COMMD10: variants seen among roughly 807,000 people sequenced by gnomAD.
COMMD10 encodes COMM domain containing 10, also known as COMM domain-containing protein 10.
COMMD10 carries 33 observed loss-of-function variants against 28.9 expected under a neutral mutation model. The ratio of observed to expected loss-of-function variants is 1.14; its 90% CI spans 0.87 to 1.53. COMMD10 has a LOEUF of 1.53. Ranked by LOEUF, COMMD10 falls within the 40% of genes most tolerant of loss-of-function variation. The pLI is 0.00. For synonymous variants in COMMD10, 110 were observed against 81.7 expected (o/e 1.35, Z -1.87); for missense variants, 310 against 233.4 (o/e 1.33, Z -2.14).
chr5:116,150,596 G>A (rs1179300029), intron 5 of COMMD10, among the ~76,000 whole-genome samples: 1 of 136,550 alleles, frequency 7.3e-6, no homozygotes, highest in Non-Finnish European at 1.5e-5. Context: ...TGCATTCCTA[G>A]GTATTTTATT....
intron 4 of COMMD10, among the ~76,000 whole-genome samples, chr5:116,123,625 A>T (rs1751518012): frequency 6.6e-6 from 1 of 152,028 alleles, no homozygotes; most frequent in Non-Finnish European, 1.5e-5. Context: ...TGTTGTTTGG[A>T]ATAGTTTCAG....
Position 116,224,431 on chromosome 5 carries a change from G to A in COMMD10, c.511-67086G>A, listed in dbSNP as rs75612667. 4.3e-3 allele frequency among the ~76,000 whole-genome samples: 653 copies of A among 152,278 alleles called. 4 individuals carry two copies. The highest frequency in any genetic ancestry group is 0.015 in the African/African-American group (610 of 41,540). The stretch of plus-strand genomic sequence containing the variant: ...AGGAATGATATTTATTTTGGCTCAT[G>A]TTTCTGCAGACTGTACAGGAAGTGT... On this transcript the variant is annotated intron_variant, in intron 5 of 6. Transcript: ENST00000274458.
At chr5:116,140,751 C>A (rs1224070585) in intron 5 of COMMD10, among the ~76,000 whole-genome samples, 1 of 151,582 alleles carries the variant, frequency 6.6e-6, no homozygotes, top group African/African-American at 2.4e-5. Flanking sequence ...AGGTTCTTTG[C>A]CCCTTTTAAA....
At chr5:116,208,458 A>AAC (rs1748874309) in intron 5 of COMMD10, among the ~76,000 whole-genome samples, 1 of 152,130 alleles carries the variant, frequency 6.6e-6, no homozygotes. Context: ...AGTAATGAAC[A>AAC]GTTATTCCCT....
At chr5:116,283,914 G>T (rs1751145699) in intron 5 of COMMD10, among the ~76,000 whole-genome samples, 1 of 151,766 alleles carries the variant, frequency 6.6e-6, no homozygotes. Flanking sequence ...AGGATCACTT[G>T]AGCTCAGGGG....
intron 5 of COMMD10, among the ~76,000 whole-genome samples, chr5:116,204,525 G>A (rs62384237): frequency 0.11 from 16,367 of 151,774 alleles, 980 homozygotes; most frequent in African/African-American, 0.16. Flanking sequence ...CCATTTTTGA[G>A]GAGGAAATAT....
intron 5 of COMMD10, among the ~76,000 whole-genome samples, chr5:116,222,799 C>A (rs1749296760): frequency 6.6e-6 from 1 of 152,152 alleles, no homozygotes; most frequent in Non-Finnish European, 1.5e-5. Flanking sequence ...TTAAGCGATT[C>A]TCCTGCCTCA....
intron 5 of COMMD10, among the ~76,000 whole-genome samples, chr5:116,224,592 C>G (rs1295295631): frequency 6.6e-6 from 1 of 152,110 alleles, no homozygotes; most frequent in Non-Finnish European, 1.5e-5. Context: ...TTTTAAACAA[C>G]CAGATCTCAT....
At chr5:116,085,262 G>A (rs916338218) in intron 1 of COMMD10, 169 bp downstream of exon 1, 1 of 656,282 alleles carries the variant, frequency 1.5e-6, no homozygotes, top group African/African-American at 1.9e-5. Context: ...CGGAGTGCGT[G>A]GGGCCGTGTA....
chr5:116,172,347 C>T (rs566602685), intron 5 of COMMD10, among the ~76,000 whole-genome samples: 17 of 152,056 alleles, frequency 1.1e-4, no homozygotes, highest in East Asian at 1.9e-4. Context: ...ACAGAGGGAG[C>T]GAGTGATTAT....
intron 5 of COMMD10, among the ~76,000 whole-genome samples, chr5:116,264,508 TCA>T (rs1452555688): frequency 6.6e-6 from 1 of 151,782 alleles, no homozygotes; most frequent in Non-Finnish European, 1.5e-5. Context: ...TCTACAACTC[TCA>T]GTCTCCTCTG....
At chr5:116,144,135 G>C (rs1400240521) in intron 5 of COMMD10, among the ~76,000 whole-genome samples, 2 of 151,830 alleles carry the variant, frequency 1.3e-5, no homozygotes, top group African/African-American at 4.8e-5. Context: ...ACTAGAAATT[G>C]AGGTTTGGAA....
At chr5:116,273,872 T>G (rs186722068) in intron 5 of COMMD10, among the ~76,000 whole-genome samples, 173 of 151,760 alleles carry the variant, frequency 1.1e-3, no homozygotes, top group Admixed American at 2.7e-3. Flanking sequence ...TTATTATTAA[T>G]AAACTACAGA....
At chr5:116,264,015 AT>A (rs1250448995) in intron 5 of COMMD10, among the ~76,000 whole-genome samples, 1 of 151,808 alleles carries the variant, frequency 6.6e-6, no homozygotes, top group Admixed American at 6.6e-5. Context: ...TCCTGAAAAG[AT>A]TAAGAGTTAG....
At chr5:116,182,138 A>C (rs1358784619) in intron 5 of COMMD10, among the ~76,000 whole-genome samples, 1 of 152,094 alleles carries the variant, frequency 6.6e-6, no homozygotes, top group Non-Finnish European at 1.5e-5. Flanking sequence ...CACAGAAGAG[A>C]AACAACTAGG....
chr5:116,196,866 T>C (rs917517224), intron 5 of COMMD10, among the ~76,000 whole-genome samples: 2 of 152,132 alleles, frequency 1.3e-5, no homozygotes, highest in Non-Finnish European at 2.9e-5. Context: ...AGTAAGACAC[T>C]GAACAAAGCC....
chr5:116,221,040 CT>C (rs1274867721), intron 5 of COMMD10, among the ~76,000 whole-genome samples: 1 of 151,244 alleles, frequency 6.6e-6, no homozygotes, highest in African/African-American at 2.4e-5. Flanking sequence ...TAGAAAACAA[CT>C]TGAACATTAT....
chr5:116,132,873 TTA>T (rs1751903656), intron 4 of COMMD10, among the ~76,000 whole-genome samples: 1 of 152,130 alleles, frequency 6.6e-6, no homozygotes, highest in African/African-American at 2.4e-5. Context: ...ATATTATAGA[TTA>T]TATCTCTACA....
intron 5 of COMMD10, among the ~76,000 whole-genome samples, chr5:116,216,696 G>C (rs1749112092): frequency 6.6e-6 from 1 of 151,984 alleles, no homozygotes; most frequent in Non-Finnish European, 1.5e-5. Flanking sequence ...ACCACGCCCA[G>C]CTTATTTTTG....
Sources: gnomAD v4.1 joint callset for allele counts (sites outside exome capture counted in the v4.1 genomes callset) on GRCh38, gnomAD v4.1.1 for gene constraint, MANE v1.5 for transcripts, NCBI Gene and HGNC (gene_info 2026-07-23, HGNC 2026-07-21) for gene names.